Variants in THSD4 observed in about 807,000 individuals in gnomAD.
THSD4 encodes the protein thrombospondin type-1 domain-containing protein 4.
A neutral mutation model predicts 119.0 loss-of-function variants in THSD4; 69 were observed. The observed-to-expected ratio is 0.58, with a 90% CI of 0.48 to 0.71. The LOEUF (loss-of-function observed/expected upper bound fraction) is 0.71, where lower values mean the gene tolerates loss of function less well. THSD4 is among the 30% of genes least tolerant of loss of function. The pLI is 0.00. For missense variants in THSD4, 1,393 were observed against 1,391.1 expected (o/e 1.00, Z -0.02); for synonymous variants, 524 against 540.4 (o/e 0.97, Z 0.42).
intron 6 of THSD4, among the ~76,000 whole-genome samples, chr15:71,331,031 G>A (rs75457325): frequency 0.14 from 21,767 of 152,156 alleles, 1,640 homozygotes; most frequent in Middle Eastern, 0.2. Context: ...TAGACAGAGC[G>A]TTGAGCTCAT....
chr15:71,289,817 A>G (rs894988555), intron 6 of THSD4, among the ~76,000 whole-genome samples: 14 of 152,088 alleles, frequency 9.2e-5, no homozygotes, highest in Non-Finnish European at 1.6e-4. Flanking sequence ...AAGAATAGGA[A>G]AAGTCAAAAT....
intron 2 of THSD4, among the ~76,000 whole-genome samples, chr15:71,150,055 T>A (rs140137198): frequency 9.9e-5 from 15 of 152,176 alleles, no homozygotes; most frequent in African/African-American, 3.6e-4. Flanking sequence ...TCGGAAAGTC[T>A]TGGTAGGAAT....
intron 8 of THSD4, among the ~76,000 whole-genome samples, chr15:71,693,851 C>T (rs1227403262): frequency 2.0e-5 from 3 of 152,146 alleles, no homozygotes; most frequent in Non-Finnish European, 4.4e-5. Flanking sequence ...TCCTTCATCT[C>T]CTGCCATGAT....
intron 7 of THSD4, among the ~76,000 whole-genome samples, chr15:71,588,514 C>T (rs920337205): frequency 1.3e-5 from 2 of 152,078 alleles, no homozygotes; most frequent in African/African-American, 2.4e-5. Context: ...GCCTCGACCT[C>T]CTAAGCTCAG....
intron 6 of THSD4, among the ~76,000 whole-genome samples, chr15:71,329,910 A>G (rs2045400036): frequency 6.6e-6 from 1 of 152,122 alleles, no homozygotes; most frequent in Non-Finnish European, 1.5e-5. Flanking sequence ...GTGAAACTTC[A>G]TCTGTACAAA....
At chr15:71,186,803 A>T (rs559023323) in intron 3 of THSD4, 1 of 152,228 alleles carries the variant, frequency 6.6e-6, no homozygotes, top group Admixed American at 6.5e-5. Flanking sequence ...TGATATTTCC[A>T]ATGAAAGCCT....
chr15:71,124,302 A>C (rs767739081), intron 1 of THSD4, among the ~76,000 whole-genome samples: 3 of 152,238 alleles, frequency 2.0e-5, no homozygotes, highest in Non-Finnish European at 2.9e-5. Flanking sequence ...TGGGCACTGC[A>C]ATTTTAATTT....
At chr15:71,323,118 A>AG (rs1199465937) in intron 6 of THSD4, among the ~76,000 whole-genome samples, 36 of 151,408 alleles carry the variant, frequency 2.4e-4, no homozygotes, top group Non-Finnish European at 4.7e-4. Flanking sequence ...AAAAAAAAAA[A>AG]AGATCGTAGT....
intron 8 of THSD4, among the ~76,000 whole-genome samples, chr15:71,690,786 G>T (rs1483296903): frequency 6.6e-6 from 1 of 152,180 alleles, no homozygotes; most frequent in Non-Finnish European, 1.5e-5. Flanking sequence ...AAAACCATCA[G>T]ATCTTGTGAG....
chr15:71,159,879 AAGCTT>A (rs2141388908), intron 3 of THSD4, among the ~76,000 whole-genome samples: 1 of 152,152 alleles, frequency 6.6e-6, no homozygotes, highest in South Asian at 2.1e-4. Flanking sequence ...GAAAAGGTGA[AAGCTT>A]TGCTCAGTAT....
At chr15:71,712,664 C>A (rs993612160) in intron 8 of THSD4, among the ~76,000 whole-genome samples, 2 of 152,134 alleles carry the variant, frequency 1.3e-5, no homozygotes, top group African/African-American at 2.4e-5. Context: ...CTATTCACAG[C>A]CCTTTACCCT....
intron 3 of THSD4, chr15:71,165,036 T>G: frequency 1.3e-6 from 2 of 1,589,862 alleles, no homozygotes; most frequent in Non-Finnish European, 1.7e-6. Context: ...TCTCCCAGTT[T>G]CTTCGCAACA....
At chr15:71,341,795 T>C in intron 6 of THSD4, 2 of 772,502 alleles carry the variant, frequency 2.6e-6, no homozygotes, top group East Asian at 2.4e-5. Flanking sequence ...CACAACCCTC[T>C]TTTCTTCCTT....
At chr15:71,617,904 C>T (rs902265329) in intron 7 of THSD4, among the ~76,000 whole-genome samples, 4 of 152,296 alleles carry the variant, frequency 2.6e-5, no homozygotes, top group South Asian at 2.1e-4. Context: ...TTAGCTCCAG[C>T]GTTTCTTGAT....
At chr15:71,574,338 C>T (rs2049410543) in intron 7 of THSD4, among the ~76,000 whole-genome samples, 1 of 152,154 alleles carries the variant, frequency 6.6e-6, no homozygotes, top group Non-Finnish European at 1.5e-5. Context: ...CTTTTGCTGA[C>T]AAGCAAAATG....
intron 14 of THSD4, among the ~76,000 whole-genome samples, chr15:71,754,482 CAAACAAACA>C (rs2053503866): frequency 1.3e-5 from 2 of 150,682 alleles, no homozygotes; most frequent in Middle Eastern, 6.8e-3. Context: ...AACAAACAAA[CAAACAAACA>C]AACAAATCCT....
At chr15:71,250,191 C>T (rs890058184) in intron 5 of THSD4, among the ~76,000 whole-genome samples, 12 of 152,112 alleles carry the variant, frequency 7.9e-5, no homozygotes, top group Non-Finnish European at 1.5e-4. Context: ...ACACATGGAG[C>T]GCTGCAATGA....
In THSD4 at chr15:71,215,098, G is replaced by A. The variant is rs1451106602; in HGVS notation, c.163G>A (p.Val55Met). The A allele has an allele frequency of 1.5e-6, 2 of 1,327,620 alleles. No individual in the cohort carries two copies. Among genetic ancestry groups the A allele is most frequent in the Non-Finnish European group, 1.9e-6 (2 of 1,037,680 alleles). 82.2% of individuals were successfully genotyped at this position (1,327,620 alleles called of 1,614,324 possible). A position where few individuals can be genotyped will look rare whatever the true frequency, so the allele number is the denominator to read the frequency against. Residue 55 changes from valine (V) to methionine (M), a missense_variant, in exon 4 of 18, where the codon GTG becomes ATG. Coordinates refer to ENST00000261862, the MANE Select transcript of THSD4 (RefSeq NM_024817.3). The stretch of plus-strand genomic sequence containing the variant: ...CGACGGCGGCGGCGGCGCCCCGGGA[G>A]TGTGGGGCGCCTGGGGCCCCTGGTC... ...EDDGGGGAPG[V>M]WGAWGPWSAC... is the part of the protein sequence containing the mutation.
At chr15:71,417,919 A>G (rs545544213) in intron 7 of THSD4, among the ~76,000 whole-genome samples, 1 of 106,710 alleles carries the variant, frequency 9.4e-6, no homozygotes, top group African/African-American at 3.2e-5. Context: ...TCTTTCATCC[A>G]TGTTTTATAG....
Sources: allele counts gnomAD v4.1 joint callset (sites outside exome capture counted in the v4.1 genomes callset), GRCh38; gene constraint gnomAD v4.1.1; transcripts MANE v1.5; gene names NCBI Gene and HGNC (gene_info 2026-07-23, HGNC 2026-07-21).